The following PLCL1 variants were observed in gnomAD, a reference collection of about 807,000 sequenced individuals.
The protein encoded by PLCL1 is phospholipase C like 1 (inactive).
In PLCL1, 41 loss-of-function variants were observed where a neutral mutation model predicts 84.4. The ratio of observed to expected loss-of-function variants is 0.49; its 90% CI spans 0.38 to 0.63. The LOEUF is 0.63. Ranked by LOEUF, PLCL1 falls within the 30% of genes least tolerant of loss-of-function variation. The pLI is 0.00. For synonymous variants in PLCL1, 490 were observed against 488.3 expected (o/e 1.00, Z -0.05); for missense variants, 1,206 against 1,367.8 (o/e 0.88, Z 1.87).
intron 1 of PLCL1, among the ~76,000 whole-genome samples, chr2:197,953,569 G>A (rs1455731694): frequency 6.6e-6 from 1 of 152,018 alleles, no homozygotes; most frequent in Non-Finnish European, 1.5e-5. Flanking sequence ...TAGGGTGGTT[G>A]AGTTATTGAT....
rs1437084853 is a variant in PLCL1, at chr2:197,805,073, C to G, written c.-27C>G. On this transcript the variant is annotated 5_prime_UTR_variant, in exon 1 of 6. Coordinates refer to ENST00000428675, the MANE Select transcript of PLCL1 (RefSeq NM_006226.4). This position sits in a 1 kb window ranked among gnomAD's most constrained non-coding sequence, Gnocchi z 4.0. Reference sequence around the variant, plus strand: ...TCCGCTGCCGGGCGTCCCGCTTTCCCCCGGGGAGCCCTAAACGCTCCAGGC... The same window carrying G: ...TCCGCTGCCGGGCGTCCCGCTTTCCGCCGGGGAGCCCTAAACGCTCCAGGC... 5.6e-6 allele frequency: 8 copies of G among 1,423,066 alleles called. No homozygotes were observed. The highest frequency in any genetic ancestry group is 7.3e-6 in the Non-Finnish European group (8 of 1,094,154). The allele number at this position is 1,423,066 out of a possible 1,614,324, so 88.2% of individuals were successfully genotyped here.
At chr2:197,950,167 C>T (rs1312994548) in intron 1 of PLCL1, among the ~76,000 whole-genome samples, 1 of 152,166 alleles carries the variant, frequency 6.6e-6, no homozygotes, top group Non-Finnish European at 1.5e-5. Flanking sequence ...TTCAGCTTTG[C>T]TGGATGTTTC....
At chr2:198,087,580 T>C (rs1430033529) in intron 2 of PLCL1, among the ~76,000 whole-genome samples, 1 of 152,166 alleles carries the variant, frequency 6.6e-6, no homozygotes. Context: ...AGTTAACAGA[T>C]AGCAATGTTA....
chr2:197,833,135 G>T (rs1454744285), intron 1 of PLCL1, among the ~76,000 whole-genome samples: 1 of 151,972 alleles, frequency 6.6e-6, no homozygotes, highest in Non-Finnish European at 1.5e-5. Context: ...CCGGGAGGCA[G>T]CTTCAGGCTA....
intron 5 of PLCL1, among the ~76,000 whole-genome samples, chr2:198,123,861 T>G (rs964085294): frequency 9.2e-5 from 14 of 152,142 alleles, no homozygotes; most frequent in African/African-American, 3.1e-4. Flanking sequence ...GGATCTGAGG[T>G]GGAACAGTTT....
rs143623701 is a variant in PLCL1 at position 197,882,926 on chromosome 2, A to G, written c.240+77587A>G. Among the ~76,000 whole-genome samples the G allele has an allele frequency of 2.3e-4, 35 of 152,352 alleles. No individual in the cohort carries two copies. The East Asian group carries it at 5.2e-3, about 23-fold the overall frequency. On this transcript the variant is annotated intron_variant, in intron 1 of 5. Coordinates refer to ENST00000428675, the MANE Select transcript of PLCL1 (RefSeq NM_006226.4). Reference sequence around the variant, plus strand: ...ACCTGCAACATTATGGACGTATTTTACAGACATAATGTTAAGTGAGAGATT... The same window carrying G: ...ACCTGCAACATTATGGACGTATTTTGCAGACATAATGTTAAGTGAGAGATT...
intron 5 of PLCL1, 147 bp from the exon 6 acceptor site, chr2:198,146,633 C>T: frequency 3.4e-6 from 2 of 593,464 alleles, no homozygotes; most frequent in Non-Finnish European, 5.6e-6. Flanking sequence ...AGAAAAGAAC[C>T]TTGGGTTAAA....
intron 1 of PLCL1, among the ~76,000 whole-genome samples, chr2:197,820,314 A>T (rs1341070756): frequency 1.3e-5 from 2 of 152,110 alleles, no homozygotes; most frequent in Non-Finnish European, 2.9e-5. Flanking sequence ...AGTGGCTTAA[A>T]ACAGCACAGA....
intron 5 of PLCL1, among the ~76,000 whole-genome samples, chr2:198,113,815 A>C (rs1180637348): frequency 6.6e-6 from 1 of 151,878 alleles, no homozygotes; most frequent in Non-Finnish European, 1.5e-5. Flanking sequence ...CTAATTTGTT[A>C]TTATATCAAA....
intron 5 of PLCL1, among the ~76,000 whole-genome samples, chr2:198,127,869 A>AT (rs1402523761): frequency 6.6e-6 from 1 of 151,996 alleles, no homozygotes; most frequent in Non-Finnish European, 1.5e-5. Flanking sequence ...AAAAATCTTC[A>AT]TTTTCTGGAG....
At chr2:198,131,648 A>G (rs1168598708) in intron 5 of PLCL1, among the ~76,000 whole-genome samples, 2 of 152,202 alleles carry the variant, frequency 1.3e-5, no homozygotes, top group Non-Finnish European at 2.9e-5. Context: ...GACATCAGCC[A>G]TAACCCCTAT....
At chr2:197,945,641 C>G (rs1243267671) in intron 1 of PLCL1, among the ~76,000 whole-genome samples, 1 of 152,120 alleles carries the variant, frequency 6.6e-6, no homozygotes, top group Non-Finnish European at 1.5e-5. Context: ...GAGCAAGTTT[C>G]TTCAACTCGT....
intron 1 of PLCL1, among the ~76,000 whole-genome samples, chr2:197,974,436 A>G (rs916254493): frequency 3.3e-5 from 5 of 152,230 alleles, no homozygotes; most frequent in African/African-American, 1.2e-4. Context: ...CCTTTATGAA[A>G]TGATATGGTA....
chr2:198,008,800 A>G (rs1446201618), intron 1 of PLCL1, among the ~76,000 whole-genome samples: 1 of 152,058 alleles, frequency 6.6e-6, no homozygotes, highest in Non-Finnish European at 1.5e-5. Flanking sequence ...TAATGGCTGC[A>G]TCATTTTACA....
At chr2:198,087,080 G>A (rs945357130) in intron 2 of PLCL1, among the ~76,000 whole-genome samples, 1 of 152,130 alleles carries the variant, frequency 6.6e-6, no homozygotes, top group Non-Finnish European at 1.5e-5. Flanking sequence ...ACTCAAACTG[G>A]TTGAAAAATA....
intron 1 of PLCL1, among the ~76,000 whole-genome samples, chr2:198,019,781 C>G (rs943332860): frequency 6.6e-6 from 1 of 152,132 alleles, no homozygotes; most frequent in African/African-American, 2.4e-5. Flanking sequence ...CTGAAAGTGA[C>G]AAGGAGAATA....
At chr2:198,016,387 AT>A (rs970159063) in intron 1 of PLCL1, among the ~76,000 whole-genome samples, 4 of 152,154 alleles carry the variant, frequency 2.6e-5, no homozygotes, top group Admixed American at 2.6e-4. Flanking sequence ...GCTTTCTTTG[AT>A]GCTCCTCTCT....
intron 1 of PLCL1, among the ~76,000 whole-genome samples, chr2:197,810,758 A>T (rs1690568981): frequency 6.6e-6 from 1 of 152,240 alleles, no homozygotes; most frequent in South Asian, 2.1e-4. Flanking sequence ...GAATTGCATC[A>T]GTCTTCTTTG....
At chr2:198,009,394 T>G (rs553782017) in intron 1 of PLCL1, among the ~76,000 whole-genome samples, 2 of 152,146 alleles carry the variant, frequency 1.3e-5, no homozygotes, top group East Asian at 3.9e-4. Context: ...ATTCACTCTT[T>G]TTGCATTTGA....
Sources: allele counts gnomAD v4.1 joint callset (sites outside exome capture counted in the v4.1 genomes callset), GRCh38; gene constraint gnomAD v4.1.1; non-coding constraint Gnocchi (gnomAD v3.1); transcripts MANE v1.5; gene names NCBI Gene and HGNC (gene_info 2026-07-23, HGNC 2026-07-21).